Variants in NAA35 observed in about 807,000 individuals in gnomAD.
NAA35 encodes MAK10 homolog, amino-acid N-acetyltransferase subunit.
Under a neutral mutation model 101.7 loss-of-function variants are expected in NAA35, and 18 were observed. That is an observed-to-expected ratio of 0.18 (90% CI 0.12 to 0.26). The LOEUF is 0.26. Ranked by LOEUF, NAA35 falls within the 10% of genes least tolerant of loss-of-function variation. NAA35 has a pLI of 1.00. For missense variants in NAA35, 601 were observed against 886.8 expected (o/e 0.68, Z 4.09); for synonymous variants, 267 against 273.1 (o/e 0.98, Z 0.22).
At chr9:85,969,326 A>G (rs912370455) in intron 6 of NAA35, among the ~76,000 whole-genome samples, 3 of 149,202 alleles carry the variant, frequency 2.0e-5, no homozygotes, top group African/African-American at 5.0e-5. Flanking sequence ...GTAAGTTGCT[A>G]TTTACCATAT....
chr9:85,961,878 C>A, intron 5 of NAA35, 135 bp from the exon 6 acceptor site: 4 of 579,272 alleles, frequency 6.9e-6, no homozygotes, highest in Non-Finnish European at 5.6e-6. Flanking sequence ...TGAATTCTAA[C>A]GTGTCTTTTT....
At chr9:86,015,721 A>G (rs1832175907) in intron 17 of NAA35, 2 of 913,702 alleles carry the variant, frequency 2.2e-6, no homozygotes, top group African/African-American at 3.6e-5. Context: ...TCATTGAGGT[A>G]CCTGATATTT....
chr9:85,953,097 C>T (rs1414651794), intron 2 of NAA35, among the ~76,000 whole-genome samples: 1 of 152,096 alleles, frequency 6.6e-6, no homozygotes, highest in African/African-American at 2.4e-5. Context: ...CCTGTAATCC[C>T]AGTTACCCAG....
At chr9:86,006,374 C>A (rs1388868923) in intron 13 of NAA35, among the ~76,000 whole-genome samples, 1 of 152,012 alleles carries the variant, frequency 6.6e-6, no homozygotes, top group African/African-American at 2.4e-5. Flanking sequence ...GCTGTTTGTT[C>A]ATGATCATCA....
intron 6 of NAA35, among the ~76,000 whole-genome samples, chr9:85,967,355 A>G (rs1829793454): frequency 6.6e-6 from 1 of 152,208 alleles, no homozygotes; most frequent in African/African-American, 2.4e-5. Flanking sequence ...GTGTAAAAAT[A>G]AAACTGGAAA....
intron 6 of NAA35, among the ~76,000 whole-genome samples, chr9:85,963,719 ATTATT>A (rs1364817463): frequency 6.6e-6 from 1 of 152,174 alleles, no homozygotes. Flanking sequence ...AGATATACAG[ATTATT>A]TTAAATACTA....
At chr9:85,947,968 C>G (rs574605037) in intron 2 of NAA35, among the ~76,000 whole-genome samples, 1 of 152,128 alleles carries the variant, frequency 6.6e-6, no homozygotes, top group Non-Finnish European at 1.5e-5. Flanking sequence ...AGATTTTTCC[C>G]TTAATCACGT....
At chr9:85,947,411 A>C (rs1028840033) in intron 2 of NAA35, among the ~76,000 whole-genome samples, 1 of 152,204 alleles carries the variant, frequency 6.6e-6, no homozygotes, top group African/African-American at 2.4e-5. Context: ...TGATTCTAAG[A>C]GGAAAAGGAT....
chr9:86,012,113 T>C (rs1304045553), intron 15 of NAA35, among the ~76,000 whole-genome samples: 1 of 148,516 alleles, frequency 6.7e-6, no homozygotes, highest in Non-Finnish European at 1.5e-5. Context: ...TTTTTAAACT[T>C]TCCCTTTTTT....
chr9:86,023,466 T>G lies in NAA35; in HGVS notation c.*1506T>G, dbSNP rs2118555890. ...AGCAAAGAGGAAAACAGAATGAGCA[T>G]GGACATTTGGCAAACAACCAAGAAG... On this transcript the variant is annotated 3_prime_UTR_variant, in exon 23 of 23. Transcript: ENST00000361671. Among the ~76,000 whole-genome samples the G allele has an allele frequency of 6.6e-6, 1 of 152,284 alleles. No individual in the cohort carries two copies. The highest frequency in any genetic ancestry group is 2.1e-4 in the South Asian group (1 of 4,826).
At position 86,018,312 on chromosome 9, in the gene NAA35, A is replaced by G; in HGVS notation, c.1831A>G (p.Ser611Gly). The G allele has an allele frequency of 6.2e-7, 1 of 1,614,070 alleles. No individual in the cohort carries two copies. The highest frequency in any genetic ancestry group is 8.5e-7 in the Non-Finnish European group (1 of 1,179,936). ...KVRKPKFELD[S>G]EQVRYEHRFA... ...ACGTAAACCGAAGTTTGAGCTTGATAGTGAACAAGTTCGGTATGAACACAG... is the reference window on the plus strand; with the variant it reads ...ACGTAAACCGAAGTTTGAGCTTGATGGTGAACAAGTTCGGTATGAACACAG... Residue 611 changes from serine (S) to glycine (G), a missense_variant, in exon 20 of 23, where the codon AGT (serine) becomes GGT (glycine). Ser to Gly is a moderately conservative substitution (Grantham distance 56, BLOSUM62 0). Around this residue, in one of 8 missense-constraint regions of NAA35, gnomAD observed 90 missense variants for 108.7 expected, o/e 0.83. Coordinates refer to ENST00000361671, the MANE Select transcript of NAA35 (RefSeq NM_024635.4).
At chr9:85,975,059 A>C (rs753066733) in intron 7 of NAA35, 26 bp downstream of exon 7, 1 of 1,611,798 alleles carries the variant, frequency 6.2e-7, no homozygotes, top group Non-Finnish European at 8.5e-7. Context: ...AAGTTAATTC[A>C]CAAGTTTTAC....
At chr9:85,944,839 T>TA (rs1247479749) in intron 2 of NAA35, among the ~76,000 whole-genome samples, 1 of 152,238 alleles carries the variant, frequency 6.6e-6, no homozygotes, top group African/African-American at 2.4e-5. Context: ...TACAAATTTT[T>TA]ATCCTGTGTC....
intron 6 of NAA35, among the ~76,000 whole-genome samples, chr9:85,964,976 A>G (rs967147788): frequency 6.6e-6 from 1 of 152,136 alleles, no homozygotes; most frequent in Non-Finnish European, 1.5e-5. Flanking sequence ...GCTTGCCTGG[A>G]CTAATGTTTA....
intron 22 of NAA35, 48 bp downstream of exon 22, chr9:86,021,017 T>A: frequency 7.3e-7 from 1 of 1,378,706 alleles, no homozygotes; most frequent in Non-Finnish European, 1.0e-6. Flanking sequence ...ATTGTGAAGT[T>A]TCATAAGTTT....
intron 6 of NAA35, 50 bp from the exon 7 acceptor site, chr9:85,974,917 A>C: frequency 2.2e-6 from 3 of 1,337,850 alleles, no homozygotes; most frequent in Non-Finnish European, 3.1e-6. Flanking sequence ...TTTTGCCGCT[A>C]TTTAAGGTTT....
Position 86,001,459 on chromosome 9 carries a change from A to G in NAA35, c.1057-2126A>G, listed in dbSNP as rs536765765. On this transcript the variant is annotated intron_variant, in intron 12 of 22. Coordinates refer to ENST00000361671, the MANE Select transcript of NAA35 (RefSeq NM_024635.4). ...TCTTTGTTAATTTTTTGTCTCGATG[A>G]TCCATCTAATACTGTCATTGGAGTG... is the stretch of plus-strand genomic sequence containing the variant. 3.3e-5 allele frequency among the ~76,000 whole-genome samples: 5 copies of G among 152,132 alleles called. No homozygotes were observed. The South Asian group carries it at 1.0e-3, about 32-fold the overall frequency.
In NAA35 at chr9:86,010,622, G is replaced by A. The variant is rs374478066; in HGVS notation, c.1290+691G>A. Among the ~76,000 whole-genome samples, 298 of 148,376 alleles carry A rather than the reference G, an allele frequency of 2.0e-3. 1 individual carries two copies. The highest frequency in any genetic ancestry group is 9.8e-3 in the South Asian group (45 of 4,600). On this transcript the variant is annotated intron_variant, in intron 15 of 22. Coordinates refer to ENST00000361671, the MANE Select transcript of NAA35 (RefSeq NM_024635.4). ...CGGTGTCTCGCTCTGTGGCCCAGGC[G>A]GGAGTGCAGTGGCGCAATCTTGGCT...
Position 86,016,570 on chromosome 9 carries a change from A to T in NAA35, c.1600A>T (p.Met534Leu). 2 of 1,614,058 alleles carry T rather than the reference A, an allele frequency of 1.2e-6. No individual in the cohort carries two copies. Among genetic ancestry groups the T allele is most frequent in the Non-Finnish European group, 1.7e-6 (2 of 1,179,962 alleles). Residue 534 changes from methionine (M) to leucine (L), a missense_variant, in exon 18 of 23, where the codon ATG becomes TTG. By Grantham distance (15) the Met-to-Leu change is conservative (BLOSUM62 2). This residue lies in a region of NAA35 where 99 missense variants were observed against 206.7 expected (regional missense o/e 0.48). Coordinates refer to ENST00000361671, the MANE Select transcript of NAA35 (RefSeq NM_024635.4). ...CTCTGAATTCCTTTACGCATGGTTG[A>T]TGTCAACATTGAGTCGTGCCGATGG... ...YLSEFLYAWL[M>L]STLSRADGSQ...
Sources: gnomAD v4.1 joint callset for allele counts (sites outside exome capture counted in the v4.1 genomes callset) on GRCh38, gnomAD v4.1.1 for gene constraint, gnomAD v4.1.1 regional missense constraint, MANE v1.5 for transcripts, NCBI Gene and HGNC (gene_info 2026-07-23, HGNC 2026-07-21) for gene names.